The following ADORA1 variants were observed in gnomAD, a reference collection of about 807,000 sequenced individuals.
ADORA1 encodes adenosine receptor A1.
In ADORA1, 6 loss-of-function variants were observed where a neutral mutation model predicts 19.9. The ratio of observed to expected loss-of-function variants is 0.30; its 90% confidence interval spans 0.17 to 0.59. ADORA1 has a LOEUF of 0.59. Ranked by LOEUF, ADORA1 falls within the 20% of genes least tolerant of loss-of-function variation. The probability of loss-of-function intolerance (pLI) is 0.87; values close to 1 mark genes in which losing one functional copy is unlikely to be tolerated. For synonymous variants in ADORA1, 194 were observed against 188.4 expected, an observed-to-expected ratio of 1.03 and a Z score of -0.24; for missense variants, 302 against 439.2, an observed-to-expected ratio of 0.69 and a Z score of 2.79.
chr1:203,134,887 T>A (rs1456386225), intron 3 of ADORA1, among the ~76,000 whole-genome samples: 1 of 152,380 alleles, frequency 6.6e-6, no homozygotes, highest in East Asian at 1.9e-4. Context: ...CTTAACATTA[T>A]AAGCATTTCC....
At chr1:203,150,960 G>C in intron 3 of ADORA1, among the ~76,000 whole-genome samples, 1 of 152,158 alleles carries the variant, frequency 6.6e-6, no homozygotes, top group East Asian at 1.9e-4. Flanking sequence ...ACCTCCTCTT[G>C]TCACTCCAGA....
chr1:203,157,776 C>T (rs1571807474), intron 3 of ADORA1, among the ~76,000 whole-genome samples: 1 of 152,276 alleles, frequency 6.6e-6, no homozygotes. Context: ...GGAGCAGCAG[C>T]ACAAGCTACA....
chr1:203,129,274 C>A (rs571706418), intron 3 of ADORA1, 92 bp downstream of exon 3: 1 of 1,508,824 alleles, frequency 6.6e-7, no homozygotes, highest in East Asian at 2.3e-5. Context: ...CATAAGACCC[C>A]AAGTAAGCCA....
rs1024542643 is a variant in ADORA1, at chr1:203,166,759, G to A, written c.*859G>A. ...TCTGGGCCACCAGCTCCACTGGCCTGCCCGTTGCCGGGCCTGGACTGTCCT... is the reference window on the plus strand; with the variant it reads ...TCTGGGCCACCAGCTCCACTGGCCTACCCGTTGCCGGGCCTGGACTGTCCT... On this transcript the variant is annotated 3_prime_UTR_variant, in exon 4 of 4. Transcript: ENST00000337894. 2 of 152,670 alleles carry A rather than the reference G, an allele frequency of 1.3e-5. No individual in the cohort carries two copies. Among genetic ancestry groups the A allele is most frequent in the African/African-American group, 2.4e-5 (1 of 41,462 alleles). 9.5% of individuals were successfully genotyped at this position (152,670 alleles called of 1,614,324 possible). A position where few individuals can be genotyped will look rare whatever the true frequency, so the allele number is the denominator to read the frequency against.
At chr1:203,147,420 G>T (rs1654892368) in intron 3 of ADORA1, among the ~76,000 whole-genome samples, 1 of 152,100 alleles carries the variant, frequency 6.6e-6, no homozygotes, top group Non-Finnish European at 1.5e-5. Flanking sequence ...TTTCCTTCAT[G>T]ATCCAAAACA....
At chr1:203,146,452 TC>T (rs1425553185) in intron 3 of ADORA1, among the ~76,000 whole-genome samples, 1 of 150,664 alleles carries the variant, frequency 6.6e-6, no homozygotes, top group Non-Finnish European at 1.5e-5. Context: ...ACATAGGGAG[TC>T]CCTGTCTCTA....
chr1:203,151,784 GCATGCATT>G (rs1377088179), intron 3 of ADORA1, among the ~76,000 whole-genome samples: 1 of 81,274 alleles, frequency 1.2e-5, no homozygotes, highest in African/African-American at 3.8e-5. Flanking sequence ...CTTCATGCAT[GCATGCATT>G]CATTCATTCA....
intron 3 of ADORA1, among the ~76,000 whole-genome samples, chr1:203,132,777 GC>G (rs1351158477): frequency 6.6e-6 from 1 of 152,186 alleles, no homozygotes; most frequent in Admixed American, 6.5e-5. Context: ...GACTTGGGAG[GC>G]GTATATTGCA....
At chr1:203,152,150 A>C (rs1655058256) in intron 3 of ADORA1, among the ~76,000 whole-genome samples, 2 of 152,200 alleles carry the variant, frequency 1.3e-5, no homozygotes, top group African/African-American at 4.8e-5. Context: ...GAGGCCCCAA[A>C]AGGGAAAGGG....
chr1:203,141,096 A>C (rs1365970731), intron 3 of ADORA1, among the ~76,000 whole-genome samples: 1 of 152,026 alleles, frequency 6.6e-6, no homozygotes, highest in Non-Finnish European at 1.5e-5. Context: ...CTGGTCAATC[A>C]ATAAGCAGGC....
chr1:203,130,346 C>T (rs561915707), intron 3 of ADORA1, among the ~76,000 whole-genome samples: 1 of 152,316 alleles, frequency 6.6e-6, no homozygotes, highest in East Asian at 1.9e-4. Flanking sequence ...GGAGCAGGAG[C>T]TTTTAAAGGG....
chr1:203,141,581 T>TA, intron 3 of ADORA1, among the ~76,000 whole-genome samples: 1 of 142,186 alleles, frequency 7.0e-6, no homozygotes, highest in East Asian at 2.0e-4. Context: ...GATTTTTTTT[T>TA]TTTTTTTTTT....
At chr1:203,130,608 A>C (rs1654301724) in intron 3 of ADORA1, among the ~76,000 whole-genome samples, 1 of 152,214 alleles carries the variant, frequency 6.6e-6, no homozygotes, top group African/African-American at 2.4e-5. Context: ...CTGCACATAT[A>C]AAGCTGGTCT....
Position 203,155,419 on chromosome 1 carries a change from A to T in ADORA1, c.342-9842A>T, listed in dbSNP as rs535290211. On this transcript the variant is annotated intron_variant, in intron 3 of 3. Transcript: ENST00000337894. ...ACTATCAGTCCCCAATGGCATCCAG[A>T]AGGAGTGCCCTCTAAGGGTGTAGAC... Among the ~76,000 whole-genome samples the T allele has an allele frequency of 2.4e-4, 37 of 152,258 alleles. No individual in the cohort carries two copies. In the South Asian group the frequency reaches 6.2e-3, roughly 26 times the overall value.
intron 3 of ADORA1, among the ~76,000 whole-genome samples, chr1:203,143,139 G>C (rs1290124434): frequency 6.6e-6 from 1 of 152,178 alleles, no homozygotes; most frequent in Non-Finnish European, 1.5e-5. Context: ...AGACTGAGTG[G>C]TTTACAAAGA....
In ADORA1 at chr1:203,165,974, G is replaced by A. The variant is rs1308699998; in HGVS notation, c.*74G>A. 4 of 1,485,094 alleles carry A rather than the reference G, an allele frequency of 2.7e-6. No homozygotes were observed. The African/African-American group carries it at 5.6e-5, about 21-fold the overall frequency. The allele number at this position is 1,485,094 out of a possible 1,614,324, so 92.0% of individuals were successfully genotyped here. On this transcript the variant is annotated 3_prime_UTR_variant, in exon 4 of 4. Coordinates refer to ENST00000337894, the MANE Select transcript of ADORA1 (RefSeq NM_000674.3). This position sits in a 1 kb window ranked among gnomAD's most constrained non-coding sequence, Gnocchi z 5.9. ...AGTCCTCACATGCCCGCTGTCCCAGGGGTCTCCCTGAGCCTGCCCCAGCTG... is the reference window on the plus strand; with the variant it reads ...AGTCCTCACATGCCCGCTGTCCCAGAGGTCTCCCTGAGCCTGCCCCAGCTG...
chr1:203,134,715 A>G (rs1654450908), intron 3 of ADORA1, among the ~76,000 whole-genome samples: 1 of 152,232 alleles, frequency 6.6e-6, no homozygotes, highest in African/African-American at 2.4e-5. Flanking sequence ...AAGAAAGAAT[A>G]AAGATGGTAA....
At chr1:203,135,565 G>A (rs1654478768) in intron 3 of ADORA1, among the ~76,000 whole-genome samples, 1 of 151,616 alleles carries the variant, frequency 6.6e-6, no homozygotes, top group African/African-American at 2.4e-5. Flanking sequence ...GGCTGAGGCA[G>A]GAGAATTGCA....
At chr1:203,135,363 A>G (rs1654471804) in intron 3 of ADORA1, among the ~76,000 whole-genome samples, 1 of 152,232 alleles carries the variant, frequency 6.6e-6, no homozygotes, top group Non-Finnish European at 1.5e-5. Flanking sequence ...TTAATCTATT[A>G]AAATAAAAGT....
Sources: allele counts gnomAD v4.1 joint callset (sites outside exome capture counted in the v4.1 genomes callset), GRCh38; gene constraint gnomAD v4.1.1; non-coding constraint Gnocchi (gnomAD v3.1); transcripts MANE v1.5; gene names NCBI Gene and HGNC (gene_info 2026-07-23, HGNC 2026-07-21).